FBN2: variants seen among roughly 807,000 people sequenced by gnomAD.
FBN2 encodes the protein fibrillin-2.
A neutral mutation model predicts 355.6 loss-of-function variants in FBN2; 105 were observed. The ratio of observed to expected loss-of-function variants is 0.30; its 90% CI spans 0.25 to 0.35. The LOEUF (loss-of-function observed/expected upper bound fraction) is 0.35. Among genes scored for constraint, FBN2 ranks in the 10% least tolerant of loss-of-function variants. FBN2 has a pLI of 1.00. For synonymous variants in FBN2, 1,350 were observed against 1,301.2 expected (o/e 1.04, Z -0.81); for missense variants, 3,280 against 3,758.7 (o/e 0.87, Z 3.33).
In FBN2 at chr5:128,310,402, ATTTTT is replaced by A. The variant is rs199690802; in HGVS notation, c.5075-299_5075-295del. On this transcript the variant is annotated intron_variant, in intron 39 of 64. Coordinates refer to ENST00000262464, the MANE Select transcript of FBN2 (RefSeq NM_001999.4). ...TATATATATATATATATATATATAT[ATTTTT>A]TTTTTTTTTTTTTTATTGCAATTCG... Among the ~76,000 whole-genome samples the A allele has an allele frequency of 1.8e-3, 42 of 23,268 alleles. 1 individual carries two copies. Among genetic ancestry groups the A allele is most frequent in the African/African-American group, 5.5e-3 (30 of 5,484 alleles). The allele number at this position is 23,268 out of a possible 152,430, so 15.3% of individuals were successfully genotyped here. A position where few individuals can be genotyped will look rare whatever the true frequency, so the allele number is the denominator to read the frequency against.
chr5:128,258,015 T>C lies in FBN2; in HGVS notation c.*1440A>G, dbSNP rs1248674789. ...AAGTTTTTCCTCACAAACTCTTGAT[T>C]ACAAATTTACACTGTTCCTTTTTTC... On this transcript the variant is annotated 3_prime_UTR_variant, in exon 65 of 65. Coordinates refer to ENST00000262464, the MANE Select transcript of FBN2 (RefSeq NM_001999.4). The C allele has an allele frequency of 1.3e-5, 2 of 152,190 alleles. No homozygotes were observed. Among genetic ancestry groups the C allele is most frequent in the African/African-American group, 4.9e-5 (2 of 41,042 alleles). 9.4% of individuals were successfully genotyped at this position (152,190 alleles called of 1,614,324 possible). A position where few individuals can be genotyped will look rare whatever the true frequency, so the allele number is the denominator to read the frequency against.
chr5:128,259,131 G>GAA lies in FBN2; in HGVS notation c.*322_*323dup, dbSNP rs536242166. On this transcript the variant is annotated 3_prime_UTR_variant, in exon 65 of 65. Transcript: ENST00000262464. ...CCAAAGTGTTACAGACTGCTAACAGGAAAAAAAAAAAAAGCTCACATTATT... is the reference window on the plus strand; with the variant it reads ...CCAAAGTGTTACAGACTGCTAACAGGAAAAAAAAAAAAAAAGCTCACATTATT... The GAA allele has an allele frequency of 0.019, 4,369 of 227,122 alleles. 125 individuals carry two copies. The highest frequency in any genetic ancestry group is 0.07 in the African/African-American group (2,940 of 41,898). 14.1% of individuals were successfully genotyped at this position (227,122 alleles called of 1,614,324 possible).
chr5:128,338,326 T>C (rs1399367263), intron 26 of FBN2, among the ~76,000 whole-genome samples: 1 of 152,168 alleles, frequency 6.6e-6, no homozygotes, highest in African/African-American at 2.4e-5. Context: ...GTAGTAAGCT[T>C]TCAAGAAATT....
intron 36 of FBN2, among the ~76,000 whole-genome samples, chr5:128,313,911 A>G (rs1340299948): frequency 1.3e-5 from 2 of 148,888 alleles, no homozygotes; most frequent in African/African-American, 2.5e-5. Flanking sequence ...CACTGCCTCT[A>G]TCATTACTAT....
At chr5:128,328,534 T>C (rs1362773335) in intron 34 of FBN2, 162 bp downstream of exon 34, 2 of 782,266 alleles carry the variant, frequency 2.6e-6, no homozygotes, top group Admixed American at 2.0e-5. Flanking sequence ...GCCATCATCA[T>C]TATTCATTCG....
rs768972914 is a variant in FBN2, at chr5:128,289,916, A to G, written c.6477T>C (p.His2159=). 1.1e-5 allele frequency: 17 copies of G among 1,605,656 alleles called. No individual in the cohort carries two copies. Among genetic ancestry groups the G allele is most frequent in the Non-Finnish European group, 1.2e-5 (14 of 1,172,400 alleles). The part of the protein sequence containing the change: ...VAFQDLCPYG[H]GTVPSLHDTR... ...TATCATGAAGACTAGGGACAGTTCC[A>G]TGGCCATATGGACACAAATCCTGAA... Residue 2159 remains histidine (H), a synonymous_variant, in exon 51 of 65, where the codon CAT becomes CAC. Coordinates refer to ENST00000262464, the MANE Select transcript of FBN2 (RefSeq NM_001999.4).
At position 128,537,632 on chromosome 5, in the gene FBN2, A is replaced by G; in HGVS notation, c.-29T>C. 1 of 1,599,406 alleles carries G rather than the reference A, an allele frequency of 6.3e-7. No homozygotes were observed. The highest frequency in any genetic ancestry group is 8.5e-7 in the Non-Finnish European group (1 of 1,173,604). On this transcript the variant is annotated 5_prime_UTR_variant, in exon 1 of 65. Transcript: ENST00000262464. ...CGGCGCCGAAAGCGCGCGGCCGTAG[A>G]CCCGCGGAGAGGGAGTGATCAAAGA...
chr5:128,337,248 A>T (rs1304034396), intron 27 of FBN2, among the ~76,000 whole-genome samples: 1 of 152,236 alleles, frequency 6.6e-6, no homozygotes, highest in African/African-American at 2.4e-5. Flanking sequence ...AAAGCAATAC[A>T]TAAGGCTTAT....
rs1749857012 is a variant in FBN2 at position 128,305,848 on chromosome 5, G to A, written c.5523C>T (p.Tyr1841=). The A allele has an allele frequency of 1.2e-6, 2 of 1,613,848 alleles. No individual in the cohort carries two copies. The highest frequency in any genetic ancestry group is 1.6e-4 in the Middle Eastern group (1 of 6,084). The part of the protein sequence containing the change: ...FRCECPTGFS[Y]NDLLLVCEDI... ...CTTCACAAACCAACAGCAGGTCATT[G>A]TAACTGAATCCTGTAGGGCATTCAC... is the stretch of plus-strand genomic sequence containing the variant. The change falls in exon 43 of 65, where the codon TAC becomes TAT. Residue 1841 remains tyrosine, a synonymous_variant. Coordinates refer to ENST00000262464, the MANE Select transcript of FBN2 (RefSeq NM_001999.4).
At chr5:128,313,032 A>G (rs374200494) in intron 36 of FBN2, among the ~76,000 whole-genome samples, 8 of 152,214 alleles carry the variant, frequency 5.3e-5, no homozygotes, top group African/African-American at 1.7e-4. Flanking sequence ...ATATTTTCCT[A>G]TACTCATGGA....
intron 7 of FBN2, among the ~76,000 whole-genome samples, chr5:128,418,676 G>A (rs942619851): frequency 4.6e-5 from 7 of 152,076 alleles, no homozygotes; most frequent in African/African-American, 1.7e-4. Flanking sequence ...ATTTTTCAAT[G>A]TTTCTCTTCT....
chr5:128,349,321 A>G (rs1008248584), intron 23 of FBN2, 26 bp downstream of exon 23: 8 of 1,613,774 alleles, frequency 5.0e-6, no homozygotes, highest in African/African-American at 2.7e-5. Context: ...TTTTATACAT[A>G]GAATACATGA....
chr5:128,454,419 T>A (rs1051445191), intron 6 of FBN2, among the ~76,000 whole-genome samples: 2 of 152,266 alleles, frequency 1.3e-5, no homozygotes, highest in African/African-American at 2.4e-5. Context: ...GACTTTATAA[T>A]GATCTCGTTA....
chr5:128,459,743 A>G (rs1358499302), intron 6 of FBN2, among the ~76,000 whole-genome samples: 1 of 152,202 alleles, frequency 6.6e-6, no homozygotes, highest in Non-Finnish European at 1.5e-5. Flanking sequence ...TGCAGAAAAT[A>G]CTTTCTATAA....
At chr5:128,317,252 T>C (rs1465129784) in intron 36 of FBN2, among the ~76,000 whole-genome samples, 1 of 152,166 alleles carries the variant, frequency 6.6e-6, no homozygotes, top group Non-Finnish European at 1.5e-5. Flanking sequence ...TCCCTGCCTC[T>C]AGAATGTAAA....
intron 36 of FBN2, among the ~76,000 whole-genome samples, chr5:128,316,484 A>G (rs1052302097): frequency 1.3e-5 from 2 of 152,198 alleles, no homozygotes; most frequent in Admixed American, 1.3e-4. Flanking sequence ...TGAACGCAAT[A>G]AAGTGTCAAT....
intron 20 of FBN2, among the ~76,000 whole-genome samples, chr5:128,356,225 A>G (rs1306819695): frequency 6.6e-6 from 1 of 152,190 alleles, no homozygotes; most frequent in African/African-American, 2.4e-5. Context: ...GAGCTGAACA[A>G]GGCTCAGATT....
At chr5:128,266,209 AC>A (rs1425752327) in intron 62 of FBN2, among the ~76,000 whole-genome samples, 4 of 152,188 alleles carry the variant, frequency 2.6e-5, no homozygotes. Context: ...GGATTCCTCA[AC>A]CCTGCCCAGA....
intron 5 of FBN2, among the ~76,000 whole-genome samples, chr5:128,471,832 T>C (rs1754869147): frequency 6.6e-6 from 1 of 152,176 alleles, no homozygotes; most frequent in Non-Finnish European, 1.5e-5. Flanking sequence ...CATGTAGTTT[T>C]TAATTTATTA....
Sources: allele counts gnomAD v4.1 joint callset (sites outside exome capture counted in the v4.1 genomes callset), GRCh38; gene constraint gnomAD v4.1.1; transcripts MANE v1.5; gene names NCBI Gene and HGNC (gene_info 2026-07-23, HGNC 2026-07-21).